KHNYN: variants seen among roughly 807,000 people sequenced by gnomAD.
KHNYN encodes protein KHNYN.
KHNYN carries 42 observed loss-of-function variants against 62.7 expected under a neutral mutation model. That is an observed-to-expected ratio of 0.67 (90% CI 0.52 to 0.87). KHNYN has a LOEUF of 0.87. Among genes scored for constraint, KHNYN ranks in the 40% least tolerant of loss-of-function variants. The pLI is 0.00. For missense variants in KHNYN, 829 were observed against 874.1 expected (o/e 0.95, Z 0.65); for synonymous variants, 347 against 345.6 (o/e 1.00, Z -0.04).
intron 7 of KHNYN, 100 bp downstream of exon 7, chr14:24,436,589 G>C: frequency 1.2e-6 from 1 of 839,382 alleles, no homozygotes; most frequent in Non-Finnish European, 1.8e-6. Context: ...GTTTGGGCCA[G>C]CTTAATTTTG....
chr14:24,440,555 C>G lies in KHNYN; in HGVS notation c.*3270C>G. 6.6e-7 allele frequency: 1 copy of G among 1,519,814 alleles called. No individual in the cohort carries two copies. The highest frequency in any genetic ancestry group is 2.0e-5 in the Admixed American group (1 of 50,996). The allele number at this position is 1,519,814 out of a possible 1,614,324, so 94.1% of individuals were successfully genotyped here. On this transcript the variant is annotated 3_prime_UTR_variant, in exon 8 of 8. Transcript: ENST00000553935. ...AGCCTTGAAGGAGCCCACTGCTCCT[C>G]CTGGTTTCTGTTTCCCCTTCCTCAC...
upstream of KHNYN, chr14:24,428,016 T>TCCCC: frequency 3.1e-6 from 5 of 1,600,790 alleles, no homozygotes; most frequent in Non-Finnish European, 4.3e-6. Flanking sequence ...TAGCCCCCAT[T>TCCCC]CCCCAGCCCT....
In KHNYN at chr14:24,431,428, T is replaced by C. The variant is rs993171057; in HGVS notation, c.202-35T>C. The C allele has an allele frequency of 3.3e-6, 5 of 1,523,496 alleles. No homozygotes were observed. The African/African-American group carries it at 6.9e-5, about 21-fold the overall frequency. The allele number at this position is 1,523,496 out of a possible 1,614,324, so 94.4% of individuals were successfully genotyped here. ...AGGAGGGGTGATCTGGGCCAGTTAG[T>C]TTACTTTTCCTGACCTTCCCTTCCT... On this transcript the variant is annotated intron_variant, in intron 2 of 7. Coordinates refer to ENST00000553935, the MANE Select transcript of KHNYN (RefSeq NM_015299.3).
chr14:24,431,805 T>G lies in KHNYN; in HGVS notation c.544T>G (p.Leu182Val). 1 of 1,614,054 alleles carries G rather than the reference T, an allele frequency of 6.2e-7. No homozygotes were observed. Among genetic ancestry groups the G allele is most frequent in the Non-Finnish European group, 8.5e-7 (1 of 1,180,022 alleles). Reference sequence around the variant, plus strand: ...TGCCCATAGAGAGGCTCTGTTGCAGTTGCCCCTGGCTGTCCAGGAGGAGCT... The same window carrying G: ...TGCCCATAGAGAGGCTCTGTTGCAGGTGCCCCTGGCTGTCCAGGAGGAGCT... ...GDAHREALLQLPLAVQEELLS... is the reference protein window; with the variant it reads ...GDAHREALLQVPLAVQEELLS... The change falls in exon 3 of 8, where the codon TTG becomes GTG. Residue 182 changes from leucine to valine, a missense_variant. Leu to Val is a conservative substitution (Grantham distance 32). This residue lies in a region of KHNYN where 559 missense variants were observed against 527.0 expected (regional missense o/e 1.06). Coordinates refer to ENST00000553935, the MANE Select transcript of KHNYN (RefSeq NM_015299.3).
chr14:24,429,865 C>T, upstream of KHNYN: 2 of 1,011,954 alleles, frequency 2.0e-6, no homozygotes, highest in Non-Finnish European at 2.4e-6. Flanking sequence ...GTCGGGGCCT[C>T]TGGGCGCGGC....
At position 24,438,092 on chromosome 14, in the gene KHNYN, A is replaced by C. The variant is rs191454634; in HGVS notation, c.*807A>C. ...CATTCTCACTATAACGTGCCCTATAATGGCTGCATCCCTTTTGAGCAACCT... is the reference window on the plus strand; with the variant it reads ...CATTCTCACTATAACGTGCCCTATACTGGCTGCATCCCTTTTGAGCAACCT... On this transcript the variant is annotated 3_prime_UTR_variant, in exon 8 of 8. Coordinates refer to ENST00000553935, the MANE Select transcript of KHNYN (RefSeq NM_015299.3). 3.8e-3 allele frequency: 585 copies of C among 152,718 alleles called. 3 individuals are homozygous for C. The highest frequency in any genetic ancestry group is 6.8e-3 in the Middle Eastern group (2 of 294). The allele number at this position is 152,718 out of a possible 1,614,324, so 9.5% of individuals were successfully genotyped here.
upstream of KHNYN, chr14:24,428,964 ACCCGGC>A: frequency 2.6e-6 from 4 of 1,551,330 alleles, no homozygotes; most frequent in Non-Finnish European, 3.5e-6. Flanking sequence ...TCCTGGGCCC[ACCCGGC>A]CCCCAGGGCC....
Position 24,441,330 on chromosome 14 carries a change from A to G in KHNYN, c.*4045A>G, listed in dbSNP as rs2043332559. On this transcript the variant is annotated 3_prime_UTR_variant, in exon 8 of 8. Coordinates refer to ENST00000553935, the MANE Select transcript of KHNYN (RefSeq NM_015299.3). ...GTAAGGAATAAATGATAATAAGCAT[A>G]AAACACTTCAAATAGTGGCTGGTGT... is the stretch of plus-strand genomic sequence containing the variant. The G allele has an allele frequency of 2.2e-6, 1 of 450,144 alleles. No individual in the cohort carries two copies. The highest frequency in any genetic ancestry group is 4.1e-5 in the Admixed American group (1 of 24,564). The allele number at this position is 450,144 out of a possible 1,614,324, so 27.9% of individuals were successfully genotyped here. A position where few individuals can be genotyped will look rare whatever the true frequency, so the allele number is the denominator to read the frequency against.
chr14:24,435,474 C>T (rs1487872307), intron 5 of KHNYN: 1 of 152,954 alleles, frequency 6.5e-6, no homozygotes, highest in Non-Finnish European at 1.5e-5. Context: ...GGTGAGTGGT[C>T]AGAGGCGGGG....
At position 24,432,741 on chromosome 14, in the gene KHNYN, T is replaced by A. The variant is rs1370289440; in HGVS notation, c.1369T>A (p.Phe457Ile). The part of the protein sequence containing the change: ...VAMVHGLQHY[F>I]SSRGIAIAVQ... The stretch of plus-strand genomic sequence containing the variant: ...CTACAGGCATGGCCTCCAGCACTAC[T>A]TCTCCAGCCGGGGCATTGCCATTGC... The change falls in exon 4 of 8, where the codon TTC becomes ATC. Residue 457 changes from phenylalanine (F) to isoleucine (I), a missense_variant. Phe to Ile is a conservative substitution (Grantham distance 21, BLOSUM62 0). Coordinates refer to ENST00000553935, the MANE Select transcript of KHNYN (RefSeq NM_015299.3). This position sits in a 1 kb window ranked among gnomAD's most constrained non-coding sequence, Gnocchi z 5.6. 1 of 1,614,200 alleles carries A rather than the reference T, an allele frequency of 6.2e-7. No individual in the cohort carries two copies.
upstream of KHNYN, among the ~76,000 whole-genome samples, chr14:24,425,197 C>G (rs770692746): frequency 6.6e-6 from 1 of 152,018 alleles, no homozygotes; most frequent in Non-Finnish European, 1.5e-5. Flanking sequence ...CATGACTCTG[C>G]CTCAAAAAAC....
At position 24,441,454 on chromosome 14, in the gene KHNYN, T is replaced by C; in HGVS notation, c.*4169T>C. The C allele has an allele frequency of 1.9e-6, 1 of 522,424 alleles. No homozygotes were observed. Among genetic ancestry groups the C allele is most frequent in the Non-Finnish European group, 3.3e-6 (1 of 300,362 alleles). The allele number at this position is 522,424 out of a possible 1,614,324, so 32.4% of individuals were successfully genotyped here. ...GTAAGGGACTTTGGGATAGGTGGAC[T>C]TTTCCCTGGCATTGAGTGATGCCAC... On this transcript the variant is annotated 3_prime_UTR_variant, in exon 8 of 8. Transcript: ENST00000553935.
At chr14:24,429,879 G>A, upstream of KHNYN, 2 of 1,012,634 alleles carry the variant, frequency 2.0e-6, no homozygotes, top group South Asian at 7.2e-5. Context: ...GCGCGGCGGC[G>A]GGGTTGGGAG....
chr14:24,441,650 G>A lies in KHNYN; in HGVS notation c.*4365G>A. 5.8e-6 allele frequency: 9 copies of A among 1,563,386 alleles called. No individual in the cohort carries two copies. Among genetic ancestry groups the A allele is most frequent in the Non-Finnish European group, 7.8e-6 (9 of 1,158,014 alleles). On this transcript the variant is annotated 3_prime_UTR_variant, in exon 8 of 8. Transcript: ENST00000553935. ...ACCCCGTTCCCCTGGCGAATATAAG[G>A]GGCTGGTGATTTGGGGGGCGTACCT...
chr14:24,440,508 G>A lies in KHNYN; in HGVS notation c.*3223G>A. On this transcript the variant is annotated 3_prime_UTR_variant, in exon 8 of 8. Coordinates refer to ENST00000553935, the MANE Select transcript of KHNYN (RefSeq NM_015299.3). Reference sequence around the variant, plus strand: ...AGCACAACCCCTAGAGCAGGAAAGAGGGAAGGTACAGGGGTCCTCTCAGCC... The same window carrying A: ...AGCACAACCCCTAGAGCAGGAAAGAAGGAAGGTACAGGGGTCCTCTCAGCC... 3 of 1,592,468 alleles carry A rather than the reference G, an allele frequency of 1.9e-6. No individual in the cohort carries two copies. Among genetic ancestry groups the A allele is most frequent in the Non-Finnish European group, 2.6e-6 (3 of 1,169,584 alleles).
rs775622514 is a variant in KHNYN, at chr14:24,440,942, A to C, written c.*3657A>C. The C allele has an allele frequency of 1.2e-5, 19 of 1,613,810 alleles. No homozygotes were observed. Among genetic ancestry groups the C allele is most frequent in the Non-Finnish European group, 1.6e-5 (19 of 1,179,844 alleles). On this transcript the variant is annotated 3_prime_UTR_variant, in exon 8 of 8. Coordinates refer to ENST00000553935, the MANE Select transcript of KHNYN (RefSeq NM_015299.3). ...TGGTAGTAAGCTGCCGGTGGAACAC[A>C]ATCATTTGCCCTGGGTGTCCTTGGT...
At chr14:24,431,008 A>G in intron 2 of KHNYN, 77 bp downstream of exon 2, 1 of 1,346,554 alleles carries the variant, frequency 7.4e-7, no homozygotes, top group Non-Finnish European at 1.0e-6. Flanking sequence ...AGGGCCGAGG[A>G]GAGCAGGGAA....
In KHNYN at chr14:24,440,731, CA is replaced by C; in HGVS notation, c.*3447del. 1 of 1,591,804 alleles carries C rather than the reference CA, an allele frequency of 6.3e-7. No homozygotes were observed. The highest frequency in any genetic ancestry group is 8.6e-7 in the Non-Finnish European group (1 of 1,166,114). ...AGCTCTCCTAATCCCATCACTTCCC[CA>C]GCCCAGAGAAGACATTCCAACCCTG... On this transcript the variant is annotated 3_prime_UTR_variant, in exon 8 of 8. Transcript: ENST00000553935.
upstream of KHNYN, chr14:24,428,262 G>A: frequency 2.5e-6 from 4 of 1,612,482 alleles, no homozygotes; most frequent in Non-Finnish European, 3.4e-6. Flanking sequence ...CTGAGCCGGG[G>A]ATGGGGGCCA....
Sources: gnomAD v4.1 joint callset for allele counts (sites outside exome capture counted in the v4.1 genomes callset) on GRCh38, gnomAD v4.1.1 for gene constraint, gnomAD v4.1.1 regional missense constraint, Gnocchi (gnomAD v3.1) non-coding constraint, MANE v1.5 for transcripts, NCBI Gene and HGNC (gene_info 2026-07-23, HGNC 2026-07-21) for gene names.